The following IFTAP variants were observed in gnomAD, a reference collection of about 807,000 sequenced individuals.
The protein encoded by IFTAP is intraflagellar transport associated protein.
In IFTAP, 19 loss-of-function variants were observed where a neutral mutation model predicts 19.4. The observed-to-expected ratio is 0.98, with a 90% CI of 0.68 to 1.44. The LOEUF (loss-of-function observed/expected upper bound fraction) is 1.44, where lower values mean the gene tolerates loss of function less well. Among genes scored for constraint, IFTAP ranks in the 40% most tolerant of loss-of-function variants. IFTAP has a pLI of 0.00. For synonymous variants in IFTAP, 85 were observed against 83.5 expected (o/e 1.02, Z -0.10); for missense variants, 240 against 253.6 (o/e 0.95, Z 0.36).
intron 1 of IFTAP, among the ~76,000 whole-genome samples, chr11:36,605,084 C>A (rs1355366269): frequency 6.6e-6 from 1 of 151,800 alleles, no homozygotes; most frequent in Non-Finnish European, 1.5e-5. Context: ...TATAAAAGGA[C>A]ACACACCTTG....
chr11:36,645,089 G>T (rs1211897588), intron 4 of IFTAP, among the ~76,000 whole-genome samples: 1 of 151,996 alleles, frequency 6.6e-6, no homozygotes, highest in Non-Finnish European at 1.5e-5. Context: ...AGACTTTCAG[G>T]AAATGTTGGC....
intron 2 of IFTAP, among the ~76,000 whole-genome samples, chr11:36,620,760 T>TA (rs1852259351): frequency 6.6e-6 from 1 of 151,954 alleles, no homozygotes; most frequent in Admixed American, 6.6e-5. Flanking sequence ...TTCCAATAAT[T>TA]ACCTTTTCTA....
intron 5 of IFTAP, among the ~76,000 whole-genome samples, chr11:36,649,177 G>A (rs1853607218): frequency 6.6e-6 from 1 of 151,908 alleles, no homozygotes; most frequent in Admixed American, 6.6e-5. Context: ...AAGATATTCT[G>A]TTATAGAATT....
Position 36,656,545 on chromosome 11 carries a change from G to C in IFTAP, c.499-2474G>C, listed in dbSNP as rs1466148867. ...AGATCATGCCACTGCACTCCTGCCT[G>C]GGTGACAGAGGGAGTCTCTGTTTAA... On this transcript the variant is annotated intron_variant, in intron 5 of 5. Transcript: ENST00000334307. Among the ~76,000 whole-genome samples the C allele has an allele frequency of 2.6e-5, 4 of 151,590 alleles. No homozygotes were observed. In the South Asian group the frequency reaches 8.4e-4, roughly 32 times the overall value.
At chr11:36,614,079 C>T (rs1851977511) in intron 2 of IFTAP, among the ~76,000 whole-genome samples, 1 of 151,492 alleles carries the variant, frequency 6.6e-6, no homozygotes, top group Non-Finnish European at 1.5e-5. Flanking sequence ...TCCCCCAACC[C>T]CACCACAGTC....
chr11:36,636,906 A>G (rs1590223179), intron 4 of IFTAP, among the ~76,000 whole-genome samples: 2 of 148,724 alleles, frequency 1.3e-5, no homozygotes, highest in African/African-American at 5.0e-5. Context: ...TGTTTGAAAT[A>G]TGTTCAAAAT....
rs147321407 is a variant in IFTAP, at chr11:36,653,527, A to G, written c.498+5372A>G. ...CAGTTTGTAATCTAAAAACCTTGGC[A>G]TCTTATAGCTTTGAACTCTAACACG... On this transcript the variant is annotated intron_variant, in intron 5 of 5. Coordinates refer to ENST00000334307, the MANE Select transcript of IFTAP (RefSeq NM_138787.4). 9.6e-3 allele frequency among the ~76,000 whole-genome samples: 1,461 copies of G among 152,296 alleles called. 6 individuals are homozygous for G. Among genetic ancestry groups the G allele is most frequent in the Middle Eastern group, 0.024 (7 of 294 alleles).
intron 4 of IFTAP, among the ~76,000 whole-genome samples, chr11:36,642,660 T>A (rs1473930494): frequency 4.6e-5 from 7 of 152,122 alleles, no homozygotes; most frequent in Admixed American, 4.6e-4. Flanking sequence ...TTACCCACTA[T>A]GATCAAGTGG....
chr11:36,601,163 G>A (rs1851496136), intron 1 of IFTAP, among the ~76,000 whole-genome samples: 1 of 152,208 alleles, frequency 6.6e-6, no homozygotes, highest in African/African-American at 2.4e-5. Flanking sequence ...AATAAGGTCA[G>A]TGGCAACTTT....
intron 2 of IFTAP, among the ~76,000 whole-genome samples, chr11:36,631,961 T>A (rs1329531588): frequency 6.6e-6 from 1 of 151,226 alleles, no homozygotes; most frequent in East Asian, 1.9e-4. Flanking sequence ...TTTCTGCTCC[T>A]TTTTTCTTCT....
At position 36,614,655 on chromosome 11, in the gene IFTAP, T is replaced by A. The variant is rs906843962; in HGVS notation, c.136+4416T>A. On this transcript the variant is annotated intron_variant, in intron 2 of 5. Transcript: ENST00000334307. ...ATCTCCTTGTGGTTTTGATTTACATTTCTCTGATGGCCAGTGATGGTGAGC... is the reference window on the plus strand; with the variant it reads ...ATCTCCTTGTGGTTTTGATTTACATATCTCTGATGGCCAGTGATGGTGAGC... Among the ~76,000 whole-genome samples, 21 of 147,898 alleles carry A rather than the reference T, an allele frequency of 1.4e-4. 2 individuals carry two copies. Among genetic ancestry groups the A allele is most frequent in the African/African-American group, 4.1e-4 (16 of 38,836 alleles).
intron 2 of IFTAP, among the ~76,000 whole-genome samples, chr11:36,626,917 G>C (rs990948087): frequency 6.6e-6 from 1 of 151,110 alleles, no homozygotes; most frequent in Admixed American, 6.6e-5. Context: ...TCATAATTAA[G>C]GGGGTACAGA....
intron 5 of IFTAP, among the ~76,000 whole-genome samples, chr11:36,658,637 T>C (rs931564225): frequency 2.6e-5 from 4 of 152,150 alleles, no homozygotes; most frequent in Admixed American, 2.6e-4. Flanking sequence ...TTAAGGTTGA[T>C]AAAAAAATCT....
At chr11:36,613,794 GTTGCA>G (rs1851959187) in intron 2 of IFTAP, among the ~76,000 whole-genome samples, 1 of 152,022 alleles carries the variant, frequency 6.6e-6, no homozygotes, top group Non-Finnish European at 1.5e-5. Context: ...TTGGGTCACG[GTTGCA>G]TTGATTTTAG....
chr11:36,606,006 G>A lies in IFTAP; in HGVS notation c.-23-4075G>A, dbSNP rs115613042. 3.4e-3 allele frequency among the ~76,000 whole-genome samples: 519 copies of A among 152,210 alleles called. 1 individual carries two copies. The highest frequency in any genetic ancestry group is 0.012 in the African/African-American group (493 of 41,514). On this transcript the variant is annotated intron_variant, in intron 1 of 5. Transcript: ENST00000334307. The stretch of plus-strand genomic sequence containing the variant: ...CACTAGGATTTGCATAAACCACTTG[G>A]CTGTCTGATAAGTCATTATCTGTTC...
chr11:36,644,636 T>C (rs1314559353), intron 4 of IFTAP, among the ~76,000 whole-genome samples: 2 of 152,040 alleles, frequency 1.3e-5, no homozygotes, highest in African/African-American at 4.8e-5. Flanking sequence ...TAAGAAAATG[T>C]GGCACATATA....
In IFTAP at chr11:36,648,120, C is replaced by T; in HGVS notation, c.463C>T (p.Pro155Ser). 1 of 1,613,270 alleles carries T rather than the reference C, an allele frequency of 6.2e-7. No homozygotes were observed. Among genetic ancestry groups the T allele is most frequent in the Non-Finnish European group, 8.5e-7 (1 of 1,179,530 alleles). Residue 155 changes from proline to serine, a missense_variant, in exon 5 of 6, where the codon CCC becomes TCC. By Grantham distance (74) the Pro-to-Ser change is moderately conservative (BLOSUM62 -1). Transcript: ENST00000334307. ...QPPTCEVKPK[P>S]SVKRMDKQTE... The stretch of plus-strand genomic sequence containing the variant: ...TCCTACCTGTGAAGTGAAGCCAAAG[C>T]CCAGTGTTAAAAGAATGGACAAACA...
intron 2 of IFTAP, among the ~76,000 whole-genome samples, chr11:36,612,210 TG>T (rs1851903192): frequency 6.6e-6 from 1 of 152,030 alleles, no homozygotes; most frequent in Middle Eastern, 3.2e-3. Context: ...GGTTCAGTTT[TG>T]GACCCCAAAT....
At chr11:36,650,119 GT>G (rs1853653098) in intron 5 of IFTAP, among the ~76,000 whole-genome samples, 1 of 152,022 alleles carries the variant, frequency 6.6e-6, no homozygotes. Context: ...CACTGCCTTG[GT>G]TTGATAACAT....
Sources: allele counts gnomAD v4.1 joint callset (sites outside exome capture counted in the v4.1 genomes callset), GRCh38; gene constraint gnomAD v4.1.1; transcripts MANE v1.5; gene names NCBI Gene and HGNC (gene_info 2026-07-23, HGNC 2026-07-21).